CRISPLD2: variants seen among roughly 807,000 people sequenced by gnomAD.
CRISPLD2 encodes the protein cysteine rich secretory protein LCCL domain containing 2.
CRISPLD2 carries 47 observed loss-of-function variants against 71.1 expected under a neutral mutation model. The observed-to-expected ratio is 0.66, with a 90% confidence interval of 0.52 to 0.84. The LOEUF (loss-of-function observed/expected upper bound fraction) is 0.84, where lower values mean the gene tolerates loss of function less well. Ranked by LOEUF, CRISPLD2 falls within the 40% of genes least tolerant of loss-of-function variation. The probability of loss-of-function intolerance (pLI) is 0.00; values close to 1 mark genes in which losing one functional copy is unlikely to be tolerated. For missense variants in CRISPLD2, 830 were observed against 651.1 expected (o/e 1.27, Z -2.99); for synonymous variants, 317 against 250.1 (o/e 1.27, Z -2.52).
intron 10 of CRISPLD2, chr16:84,873,655 A>C: frequency 5.3e-6 from 2 of 375,428 alleles, no homozygotes; most frequent in Non-Finnish European, 9.4e-6. Context: ...GGTTAGATTA[A>C]ATTTATCTTA....
In CRISPLD2 at chr16:84,877,443, G is replaced by A. The variant is rs2071529514; in HGVS notation, c.1162G>A (p.Asp388Asn). The A allele has an allele frequency of 1.2e-6, 2 of 1,613,682 alleles. No homozygotes were observed. The highest frequency in any genetic ancestry group is 2.7e-5 in the African/African-American group (2 of 74,898). ...CCCCTTGCTCCTGTTCACAGTGCAGGATTTGGACTGCTACACGACCGTTGC... is the reference window on the plus strand; with the variant it reads ...CCCCTTGCTCCTGTTCACAGTGCAGAATTTGGACTGCTACACGACCGTTGC... ...SFMVSKVKVQ[D>N]LDCYTTVAQL... Residue 388 changes from aspartate to asparagine, a missense_variant, in exon 12 of 15, where the codon GAT (aspartate) becomes AAT (asparagine). Coordinates refer to ENST00000262424, the MANE Select transcript of CRISPLD2 (RefSeq NM_031476.4).
intron 11 of CRISPLD2, among the ~76,000 whole-genome samples, chr16:84,874,314 G>C (rs1212150940): frequency 6.6e-6 from 1 of 152,198 alleles, no homozygotes; most frequent in Non-Finnish European, 1.5e-5. Context: ...GAAGGATTCT[G>C]AGGCCTCCAT....
intron 10 of CRISPLD2, chr16:84,873,395 G>A (rs749909062): frequency 6.7e-5 from 15 of 222,684 alleles, no homozygotes; most frequent in African/African-American, 3.1e-4. Flanking sequence ...CAGAAGAACC[G>A]CTTGAGGCCG....
chr16:84,854,824 AC>A lies in CRISPLD2; in HGVS notation c.706del (p.Arg236GlufsTer14), dbSNP rs1326700393. On this transcript the variant is annotated frameshift_variant, in exon 6 of 15. Coordinates refer to ENST00000262424, the MANE Select transcript of CRISPLD2 (RefSeq NM_031476.4). LOFTEE classifies it high-confidence loss of function. ...GGCAGCTGCAGGAACAACTTGTGTT[AC>A]CGAGGTAGGAAATTTACTCCCAACA... is the stretch of plus-strand genomic sequence containing the variant. ...YGGSCRNNLCYREETYTPKPE... is the reference protein window; with the variant it reads ...YGGSCRNNLCXREETYTPKPE... The A allele has an allele frequency of 1.2e-6, 2 of 1,613,486 alleles. No individual in the cohort carries two copies. The highest frequency in any genetic ancestry group is 1.1e-5 in the South Asian group (1 of 91,068).
chr16:84,853,418 T>C (rs1917144205), intron 5 of CRISPLD2, among the ~76,000 whole-genome samples: 1 of 152,156 alleles, frequency 6.6e-6, no homozygotes, highest in Non-Finnish European at 1.5e-5. Flanking sequence ...ACGCGATCAT[T>C]CTGCCTCCGG....
Position 84,895,578 on chromosome 16 carries a change from C to T in CRISPLD2, c.1439+6215C>T, listed in dbSNP as rs188779864. Among the ~76,000 whole-genome samples, 375 of 152,258 alleles carry T rather than the reference C, an allele frequency of 2.5e-3. 1 individual carries two copies. The highest frequency in any genetic ancestry group is 3.6e-3 in the Non-Finnish European group (246 of 68,020). On this transcript the variant is annotated intron_variant, in intron 14 of 14. Coordinates refer to ENST00000262424, the MANE Select transcript of CRISPLD2 (RefSeq NM_031476.4). ...AAATCAAAACGGAGATTGTATTATA[C>T]GTGCTAGTCTGAAACTTTTCCCCCC...
intron 1 of CRISPLD2, among the ~76,000 whole-genome samples, chr16:84,829,791 G>A (rs933246909): frequency 6.6e-6 from 1 of 152,224 alleles, no homozygotes; most frequent in Non-Finnish European, 1.5e-5. Context: ...TTCATCGTCT[G>A]TAAAATAGGG....
intron 1 of CRISPLD2, among the ~76,000 whole-genome samples, chr16:84,822,117 T>G (rs1200950703): frequency 6.6e-6 from 1 of 152,130 alleles, no homozygotes; most frequent in Non-Finnish European, 1.5e-5. Flanking sequence ...CTGGTCCCTG[T>G]TGGGGTGAGG....
chr16:84,833,080 A>G (rs1016480856), intron 1 of CRISPLD2, among the ~76,000 whole-genome samples: 1 of 152,220 alleles, frequency 6.6e-6, no homozygotes, highest in East Asian at 1.9e-4. Context: ...CTAGCCACAC[A>G]GTCTCCTAAA....
chr16:84,873,574 A>C (rs1043256536), intron 10 of CRISPLD2: 32 of 229,828 alleles, frequency 1.4e-4, no homozygotes, highest in African/African-American at 6.6e-4. Flanking sequence ...TAATTTGATC[A>C]TGATATTAAT....
intron 3 of CRISPLD2, 147 bp from the exon 4 acceptor site, chr16:84,849,238 C>A (rs1489110551): frequency 1.3e-6 from 1 of 784,744 alleles, no homozygotes; most frequent in South Asian, 1.9e-5. Flanking sequence ...GGCCTCCCTC[C>A]CTCCCGGCTG....
intron 1 of CRISPLD2, among the ~76,000 whole-genome samples, chr16:84,827,720 C>A (rs1292322359): frequency 6.6e-6 from 1 of 152,132 alleles, no homozygotes; most frequent in African/African-American, 2.4e-5. Context: ...GCATGTGCCA[C>A]CACGCCCAGC....
At chr16:84,877,338 C>A in intron 11 of CRISPLD2, 100 bp from the exon 12 acceptor site, 1 of 1,037,500 alleles carries the variant, frequency 9.6e-7, no homozygotes. Context: ...GCCCAGGGAA[C>A]CCATAGGCCC....
intron 1 of CRISPLD2, among the ~76,000 whole-genome samples, chr16:84,831,817 CT>C (rs1446269539): frequency 3.3e-5 from 5 of 152,240 alleles, no homozygotes; most frequent in African/African-American, 1.2e-4. Context: ...TCACTGCAAC[CT>C]CCACCTCCCA....
At position 84,909,144 on chromosome 16, in the gene CRISPLD2, C is replaced by T. The variant is rs1409048484; in HGVS notation, c.*2502C>T. The T allele has an allele frequency of 1.3e-5, 2 of 152,656 alleles. No homozygotes were observed. Among genetic ancestry groups the T allele is most frequent in the African/African-American group, 4.8e-5 (2 of 41,468 alleles). 9.5% of individuals were successfully genotyped at this position (152,656 alleles called of 1,614,324 possible). On this transcript the variant is annotated 3_prime_UTR_variant, in exon 15 of 15. Transcript: ENST00000262424. ...GCCCCTCGTGCTACCAACACTTACCCTGTGTTTAAAAAGATCTTGTACCAA... is the reference window on the plus strand; with the variant it reads ...GCCCCTCGTGCTACCAACACTTACCTTGTGTTTAAAAAGATCTTGTACCAA...
intron 6 of CRISPLD2, among the ~76,000 whole-genome samples, chr16:84,856,924 G>C (rs577005009): frequency 6.6e-6 from 1 of 152,218 alleles, no homozygotes; most frequent in South Asian, 2.1e-4. Flanking sequence ...GTGAGTCCAC[G>C]GATGGTAGTC....
chr16:84,874,983 G>A (rs150569874), intron 11 of CRISPLD2, among the ~76,000 whole-genome samples: 71 of 152,248 alleles, frequency 4.7e-4, no homozygotes, highest in African/African-American at 1.6e-3. Flanking sequence ...GCTGACACCT[G>A]TAATCTCAGC....
intron 11 of CRISPLD2, 30 bp downstream of exon 11, chr16:84,873,993 A>C (rs372359030): frequency 1.1e-4 from 174 of 1,573,724 alleles, no homozygotes; most frequent in Non-Finnish European, 1.4e-4. Context: ...TTGCGACCAT[A>C]ATACCTGGGT....
At chr16:84,858,885 G>A (rs1007526198) in intron 6 of CRISPLD2, among the ~76,000 whole-genome samples, 4 of 151,900 alleles carry the variant, frequency 2.6e-5, no homozygotes, top group Non-Finnish European at 4.4e-5. Flanking sequence ...ATCTGGTGCA[G>A]CAGGTGCAAT....
Sources: allele counts gnomAD v4.1 joint callset (sites outside exome capture counted in the v4.1 genomes callset), GRCh38; gene constraint gnomAD v4.1.1; transcripts MANE v1.5; gene names NCBI Gene and HGNC (gene_info 2026-07-23, HGNC 2026-07-21).